The following KRT81 variants were observed in gnomAD, a reference collection of about 807,000 sequenced individuals.
KRT81 encodes the protein keratin, type II cuticular Hb1.
Under a neutral mutation model 35.8 loss-of-function variants are expected in KRT81, and 35 were observed. The ratio of observed to expected loss-of-function variants is 0.98; its 90% CI spans 0.75 to 1.30. The LOEUF (loss-of-function observed/expected upper bound fraction) is 1.30. Ranked by LOEUF, KRT81 falls within the 50% of genes most tolerant of loss-of-function variation. The pLI is 0.00. For synonymous variants in KRT81, 249 were observed against 251.2 expected (o/e 0.99, Z 0.08); for missense variants, 531 against 577.4 (o/e 0.92, Z 0.82).
At position 52,287,145 on chromosome 12, in the gene KRT81, C is replaced by G. The variant is rs56821304; in HGVS notation, c.1204G>C (p.Glu402Gln). 1.0e-3 allele frequency: 1,623 copies of G among 1,613,490 alleles called. 1 individual carries two copies. The highest frequency in any genetic ancestry group is 1.3e-3 in the Non-Finnish European group (1,557 of 1,180,016). Residue 402 changes from glutamate (E) to glutamine (Q), a missense_variant, in exon 7 of 9, where the codon GAG (glutamate) becomes CAG (glutamine). Transcript: ENST00000327741. ...VMNSKLGLDIEIATYRRLLEG... is the reference protein window; with the variant it reads ...VMNSKLGLDIQIATYRRLLEG... ...AGCAGGCGCCTGTAGGTGGCGATCTCGATGTCCAGGCCCAGCTTGGAGTTC... is the reference window on the plus strand; with the variant it reads ...AGCAGGCGCCTGTAGGTGGCGATCTGGATGTCCAGGCCCAGCTTGGAGTTC...
In KRT81 at chr12:52,287,231, C is replaced by T. The variant is rs142439125; in HGVS notation, c.1118G>A (p.Gly373Asp). 3.1e-6 allele frequency: 5 copies of T among 1,614,004 alleles called. 1 individual carries two copies. In the South Asian group the frequency reaches 4.4e-5, roughly 14 times the overall value. ...GTCCTGCTTGGCCTTCTGCAGGGCGCCCTCCAGCTCGGCCAGCTTGCAGCG... is the reference window on the plus strand; with the variant it reads ...GTCCTGCTTGGCCTTCTGCAGGGCGTCCTCCAGCTCGGCCAGCTTGCAGCG... ...DARCKLAELE[G>D]ALQKAKQDMA... is the part of the protein sequence containing the mutation. The change falls in exon 7 of 9, where the codon GGC becomes GAC. Residue 373 changes from glycine to aspartate, a missense_variant. Around this residue, in one of 5 missense-constraint regions of KRT81, gnomAD observed 49 missense variants for 87.8 expected, o/e 0.56. Transcript: ENST00000327741.
chr12:52,288,508 A>G, intron 3 of KRT81, 52 bp from the exon 4 acceptor site: 1 of 1,602,494 alleles, frequency 6.2e-7, no homozygotes. Context: ...TCCAGCCCCC[A>G]GACTCCTCTC....
chr12:52,286,988 G>T, intron 7 of KRT81, 114 bp downstream of exon 7: 2 of 1,586,728 alleles, frequency 1.3e-6, no homozygotes, highest in Non-Finnish European at 8.6e-7. Context: ...CACCGGAAGT[G>T]AATAATAATA....
chr12:52,286,567 A>G, intron 8 of KRT81, 74 bp from the exon 9 acceptor site: 1 of 1,434,690 alleles, frequency 7.0e-7, no homozygotes, highest in Non-Finnish European at 9.6e-7. Flanking sequence ...GCCCCTGCCC[A>G]AGACCTGAGC....
intron 8 of KRT81, 52 bp downstream of exon 8, chr12:52,286,739 C>T: frequency 1.3e-6 from 2 of 1,579,418 alleles, no homozygotes; most frequent in Non-Finnish European, 1.7e-6. Flanking sequence ...AAACTCTGCC[C>T]TCCATCACAG....
chr12:52,288,464 G>T lies in KRT81; in HGVS notation c.640-8C>A. 1.9e-6 allele frequency: 3 copies of T among 1,614,066 alleles called. No homozygotes were observed. Among genetic ancestry groups the T allele is most frequent in the Non-Finnish European group, 2.5e-6 (3 of 1,180,016 alleles). ...GTAGGCGCAGTCCACATCCTGGAAAGGTGGGGAGTGTTGGAGCTCAAGGAC... is the reference window on the plus strand; with the variant it reads ...GTAGGCGCAGTCCACATCCTGGAAATGTGGGGAGTGTTGGAGCTCAAGGAC... On this transcript the variant is annotated splice_polypyrimidine_tract_variant and splice_region_variant and intron_variant, in intron 3 of 8. Transcript: ENST00000327741.
rs1937926358 is a variant in KRT81 at position 52,286,268 on chromosome 12, C to T, written c.1505G>A (p.Cys502Tyr). 1.3e-6 allele frequency: 2 copies of T among 1,553,788 alleles called. No individual in the cohort carries two copies. Among genetic ancestry groups the T allele is most frequent in the Non-Finnish European group, 1.7e-6 (2 of 1,148,308 alleles). Residue 502 changes from cysteine (C) to tyrosine (Y), a missense_variant, in exon 9 of 9, where the codon TGC (cysteine) becomes TAC (tyrosine). Around this residue, in one of 5 missense-constraint regions of KRT81, gnomAD observed 150 missense variants for 145.4 expected, o/e 1.03. Transcript: ENST00000327741. The stretch of plus-strand genomic sequence containing the variant: ...GAGTTGGGGTGCCTAACATTTCCGG[C>T]AGCTGCTGCCGCAAGACCCCACACC... Reference protein sequence around the residue: ...SLGVGSCGSSCRKC With the variant: ...SLGVGSCGSSYRKC
intron 6 of KRT81, 115 bp from the exon 7 acceptor site, chr12:52,287,437 C>A (rs1937983612): frequency 6.4e-7 from 1 of 1,567,804 alleles, no homozygotes; most frequent in African/African-American, 1.4e-5. Context: ...GAGCCTCTTG[C>A]CTTTATCACC....
At position 52,286,158 on chromosome 12, in the gene KRT81, G is replaced by A; in HGVS notation, c.*97C>T. ...GGGAGGGGTCTTTCAAAGTGCAGGA[G>A]AAGTAGCTGAGCACTTGCTCCAGGC... On this transcript the variant is annotated 3_prime_UTR_variant, in exon 9 of 9. Transcript: ENST00000327741. The A allele has an allele frequency of 1.0e-6, 1 of 952,656 alleles. No homozygotes were observed. The highest frequency in any genetic ancestry group is 1.6e-5 in the African/African-American group (1 of 61,594). The allele number at this position is 952,656 out of a possible 1,614,324, so 59.0% of individuals were successfully genotyped here.
In KRT81 at chr12:52,291,506, G is replaced by A. The variant is rs189745410; in HGVS notation, c.-41C>T. On this transcript the variant is annotated 5_prime_UTR_variant, in exon 1 of 9. Coordinates refer to ENST00000327741, the MANE Select transcript of KRT81 (RefSeq NM_002281.4). Reference sequence around the variant, plus strand: ...TTGGGTTGCAGAGGACAGGATAGGGGACCTGGAGTCCTGATGGAAACTCCA... The same window carrying A: ...TTGGGTTGCAGAGGACAGGATAGGGAACCTGGAGTCCTGATGGAAACTCCA... 3,180 of 1,608,558 alleles carry A rather than the reference G, an allele frequency of 2.0e-3. 9 individuals are homozygous for A. The highest frequency in any genetic ancestry group is 2.5e-3 in the Non-Finnish European group (2,897 of 1,177,120).
Position 52,291,499 on chromosome 12 carries a change from G to A in KRT81, c.-34C>T, listed in dbSNP as rs1750811612. The A allele has an allele frequency of 1.9e-6, 3 of 1,610,472 alleles. No individual in the cohort carries two copies. Among genetic ancestry groups the A allele is most frequent in the Admixed American group, 3.3e-5 (2 of 59,746 alleles). On this transcript the variant is annotated 5_prime_UTR_variant, in exon 1 of 9. Transcript: ENST00000327741. ...TGGACGTTTGGGTTGCAGAGGACAGGATAGGGGACCTGGAGTCCTGATGGA... is the reference window on the plus strand; with the variant it reads ...TGGACGTTTGGGTTGCAGAGGACAGAATAGGGGACCTGGAGTCCTGATGGA...
Position 52,288,006 on chromosome 12 carries a change from G to A in KRT81, c.878C>T (p.Ala293Val), listed in dbSNP as rs1297541836. 1 of 1,614,198 alleles carries A rather than the reference G, an allele frequency of 6.2e-7. No homozygotes were observed. The highest frequency in any genetic ancestry group is 2.2e-5 in the East Asian group (1 of 44,886). ...DDIVTRSRAE[A>V]ESWYRSKCEE... ...CACCTTGCTGCGGTACCAGGACTCG[G>A]CCTCGGCCCGGCTGCGGGTGACAAT... Residue 293 changes from alanine (A) to valine (V), a missense_variant, in exon 5 of 9, where the codon GCC becomes GTC. By Grantham distance (64) the Ala-to-Val change is moderately conservative. This residue lies in a region of KRT81 where 194 missense variants were observed against 198.2 expected (regional missense o/e 0.98). Transcript: ENST00000327741.
At chr12:52,286,891 A>C in intron 7 of KRT81, 69 bp from the exon 8 acceptor site, 1 of 1,585,630 alleles carries the variant, frequency 6.3e-7, no homozygotes, top group Non-Finnish European at 8.6e-7. Context: ...TCCCCAGTTC[A>C]TAGGGTAGGG....
At position 52,291,257 on chromosome 12, in the gene KRT81, A is replaced by T; in HGVS notation, c.209T>A (p.Val70Glu). 1 of 1,520,300 alleles carries T rather than the reference A, an allele frequency of 6.6e-7. No homozygotes were observed. Among genetic ancestry groups the T allele is most frequent in the South Asian group, 1.2e-5 (1 of 81,162 alleles). The allele number at this position is 1,520,300 out of a possible 1,614,324, so 94.2% of individuals were successfully genotyped here. A position where few individuals can be genotyped will look rare whatever the true frequency, so the allele number is the denominator to read the frequency against. Residue 70 changes from valine (V) to glutamate (E), a missense_variant, in exon 1 of 9, where the codon GTG (valine) becomes GAG (glutamate). Physicochemically the swap from Val to Glu is moderately radical, Grantham distance 121 (BLOSUM62 -2). Coordinates refer to ENST00000327741, the MANE Select transcript of KRT81 (RefSeq NM_002281.4). ...GRSFGYRSGG[V>E]CGPSPPCITT... ...GATGCATGGGGGACTGGGCCCGCAC[A>T]CGCCCCCGGAGCGGTAGCCGAAGCT...
At chr12:52,286,619 G>T in intron 8 of KRT81, 126 bp from the exon 9 acceptor site, 2 of 1,211,670 alleles carry the variant, frequency 1.7e-6, no homozygotes, top group Non-Finnish European at 2.4e-6. Flanking sequence ...GACAATTCTA[G>T]GTCCATCTAG....
rs1258732399 is a variant in KRT81, at chr12:52,286,225, G to A, written c.*30C>T. 22 of 1,536,288 alleles carry A rather than the reference G, an allele frequency of 1.4e-5. No individual in the cohort carries two copies. The highest frequency in any genetic ancestry group is 2.0e-4 in the Middle Eastern group (1 of 5,104). ...CCAAGCAAGGCAGGGCAGGAAAGATGCCTGGGGCCTGGGACTTGAGTTGGG... is the reference window on the plus strand; with the variant it reads ...CCAAGCAAGGCAGGGCAGGAAAGATACCTGGGGCCTGGGACTTGAGTTGGG... On this transcript the variant is annotated 3_prime_UTR_variant, in exon 9 of 9. Coordinates refer to ENST00000327741, the MANE Select transcript of KRT81 (RefSeq NM_002281.4).
At chr12:52,286,581 G>C in intron 8 of KRT81, 88 bp from the exon 9 acceptor site, 2 of 1,370,460 alleles carry the variant, frequency 1.5e-6, no homozygotes, top group Non-Finnish European at 2.0e-6. Context: ...CCTGAGCTCT[G>C]GTATGAAAAG....
intron 8 of KRT81, 44 bp downstream of exon 8, chr12:52,286,747 C>A: frequency 6.3e-7 from 1 of 1,596,216 alleles, no homozygotes; most frequent in Non-Finnish European, 8.6e-7. Flanking sequence ...CCCTCCATCA[C>A]AGGTAGTTAG....
In KRT81 at chr12:52,286,324, G is replaced by T. The variant is rs370312171; in HGVS notation, c.1449C>A (p.Cys483Ter). ...QLNTTCGGGS[C>*]GVGSCGISSL... Reference sequence around the variant, plus strand: ...AGCTGATACCACAGGAGCCCACGCCGCAGGAACCCCCTCCGCAGGTGGTGT... The same window carrying T: ...AGCTGATACCACAGGAGCCCACGCCTCAGGAACCCCCTCCGCAGGTGGTGT... Residue 483 changes from cysteine (C) to a stop codon, truncating the protein, a stop_gained, in exon 9 of 9, where the codon TGC (cysteine) becomes TGA (stop). Coordinates refer to ENST00000327741, the MANE Select transcript of KRT81 (RefSeq NM_002281.4). LOFTEE classifies it high-confidence loss of function. 1.3e-5 allele frequency: 20 copies of T among 1,554,534 alleles called. No individual in the cohort carries two copies. The highest frequency in any genetic ancestry group is 1.7e-5 in the Non-Finnish European group (20 of 1,148,634).
Sources: allele counts gnomAD v4.1 joint callset, GRCh38; gene constraint gnomAD v4.1.1; regional missense constraint gnomAD v4.1.1; transcripts MANE v1.5; gene names NCBI Gene and HGNC (gene_info 2026-07-23, HGNC 2026-07-21).